The following FAHD1 variants were observed in gnomAD, a reference collection of about 807,000 sequenced individuals.
FAHD1 encodes the protein oxaloacetate tautomerase FAHD1, mitochondrial.
Under a neutral mutation model 12.7 loss-of-function variants are expected in FAHD1, and 14 were observed. The ratio of observed to expected loss-of-function variants is 1.10; its 90% CI spans 0.73 to 1.72. The LOEUF is 1.72. Ranked by LOEUF, FAHD1 falls within the 40% of genes most tolerant of loss-of-function variation. FAHD1 has a pLI of 0.00. For synonymous variants in FAHD1, 153 were observed against 124.9 expected (o/e 1.22, Z -1.50); for missense variants, 351 against 298.9 (o/e 1.17, Z -1.29).
At chr16:1,830,843 C>T (rs1898606221), downstream of FAHD1, among the ~76,000 whole-genome samples, 1 of 151,872 alleles carries the variant, frequency 6.6e-6, no homozygotes, top group African/African-American at 2.4e-5. Flanking sequence ...TATGTTTGTC[C>T]TCTGGTCCTA....
chr16:1,827,585 G>A lies in FAHD1; in HGVS notation c.347G>A (p.Trp116Ter), dbSNP rs138540253. ...GAGTGCAAGAAGAAGGGGCTGCCCT[G>A]GACTCTGGCGAAGAGCTTCACGGCG... Residue 116 changes from tryptophan to a stop codon, truncating the protein, a stop_gained, in exon 1 of 1, where the codon TGG becomes TAG. Transcript: ENST00000427358. LOFTEE classifies it high-confidence loss of function. 68 of 1,613,610 alleles carry A rather than the reference G, an allele frequency of 4.2e-5. No homozygotes were observed. Among genetic ancestry groups the A allele is most frequent in the Middle Eastern group, 3.3e-4 (2 of 6,084 alleles).
chr16:1,838,690 T>C (rs892184509), intron 2 of FAHD1, among the ~76,000 whole-genome samples: 1 of 152,062 alleles, frequency 6.6e-6, no homozygotes, highest in Non-Finnish European at 1.5e-5. Flanking sequence ...CTTAGTGTTT[T>C]GTTTTTTTTT....
At chr16:1,838,978 C>T (rs1199271971) in intron 2 of FAHD1, among the ~76,000 whole-genome samples, 3 of 152,194 alleles carry the variant, frequency 2.0e-5, no homozygotes, top group Non-Finnish European at 2.9e-5. Context: ...AGGCGTGAGC[C>T]ACGGTGCCCA....
exon 1 of FAHD1, chr16:1,827,914 T>A: frequency 6.2e-7 from 1 of 1,607,832 alleles, no homozygotes; most frequent in East Asian, 2.2e-5. Context: ...AGTTATTTCT[T>A]AACAAGTTTC....
chr16:1,837,908 G>A, intron 1 of FAHD1: 1 of 1,457,400 alleles, frequency 6.9e-7, no homozygotes, highest in Non-Finnish European at 9.1e-7. Flanking sequence ...TATATTTGAA[G>A]TTTACAAAGA....
exon 1 of FAHD1, chr16:1,828,727 T>A (rs1439568766): frequency 1.0e-6 from 1 of 960,934 alleles, no homozygotes; most frequent in East Asian, 1.2e-4. Flanking sequence ...TCCAAGTGAT[T>A]CTTATCAGGA....
At chr16:1,836,876 C>T (rs1418002716) in intron 1 of FAHD1, among the ~76,000 whole-genome samples, 1 of 152,152 alleles carries the variant, frequency 6.6e-6, no homozygotes, top group Non-Finnish European at 1.5e-5. Context: ...CAGTATTAAG[C>T]TGCAGTACAG....
Position 1,837,823 on chromosome 16 carries a change from C to CT in FAHD1, c.628-190dup, listed in dbSNP as rs978878313. 1.9e-6 allele frequency: 3 copies of CT among 1,540,910 alleles called. No homozygotes were observed. The African/African-American group carries it at 4.1e-5, about 21-fold the overall frequency. ...TGCTTCTTTCCAAGAGAAATTGCCA[C>CT]TTTAATGCTGTTTTCTGTTCATCTG... is the stretch of plus-strand genomic sequence containing the variant. On this transcript the variant is annotated intron_variant, in intron 1 of 2. Coordinates refer to the FAHD1 transcript ENST00000382666.
downstream of FAHD1, among the ~76,000 whole-genome samples, chr16:1,831,035 A>G (rs1898613543): frequency 6.6e-6 from 1 of 152,134 alleles, no homozygotes; most frequent in South Asian, 2.1e-4. Flanking sequence ...ATTCTCCTAC[A>G]TGGAAATGAG....
chr16:1,827,438 A>C, exon 1 of FAHD1: 1 of 1,610,356 alleles, frequency 6.2e-7, no homozygotes, highest in Non-Finnish European at 8.5e-7. Context: ...AACCTGCACC[A>C]CGAGCTGGAG....
downstream of FAHD1, among the ~76,000 whole-genome samples, chr16:1,832,585 A>G (rs1898643359): frequency 6.6e-6 from 1 of 152,026 alleles, no homozygotes; most frequent in Non-Finnish European, 1.5e-5. Context: ...CAGGAATTCA[A>G]GACCAGCCTG....
At chr16:1,833,504 G>C (rs1205493518), downstream of FAHD1, among the ~76,000 whole-genome samples, 1 of 149,432 alleles carries the variant, frequency 6.7e-6, no homozygotes, top group Admixed American at 6.7e-5. Flanking sequence ...TGTCAGATCT[G>C]TCAGATGACG....
At chr16:1,833,963 AG>A (rs1898671941) in intron 1 of FAHD1, 1 of 237,720 alleles carries the variant, frequency 4.2e-6, no homozygotes, top group South Asian at 1.0e-4. Context: ...TACATGGAAA[AG>A]AAAATAAATC....
At chr16:1,827,562 G>C (rs770055326) in exon 1 of FAHD1, 25 of 1,613,350 alleles carry the variant, frequency 1.5e-5, no homozygotes, top group Non-Finnish European at 2.1e-5. Flanking sequence ...TGCAGGACGA[G>C]TGCAAGAAGA....
chr16:1,831,157 T>TA (rs1408950118), downstream of FAHD1, among the ~76,000 whole-genome samples: 20 of 152,282 alleles, frequency 1.3e-4, no homozygotes, highest in Non-Finnish European at 2.6e-4. Flanking sequence ...TGGCCTTTTA[T>TA]AAAAAAATGA....
At chr16:1,830,944 A>ACACACACACACACACCCCACCCACC (rs57025691), downstream of FAHD1, among the ~76,000 whole-genome samples, 8,090 of 146,938 alleles carry the variant, frequency 0.055, 310 homozygotes, top group Admixed American at 0.091. Context: ...ACACACACAC[A>ACACACACACACACACCCCACCCACC]CCCATATTTT....
intron 1 of FAHD1, among the ~76,000 whole-genome samples, chr16:1,834,937 C>T (rs562691778): frequency 8.6e-6 from 1 of 116,878 alleles, no homozygotes; most frequent in Non-Finnish European, 1.8e-5. Flanking sequence ...CTCTGTCCCC[C>T]CCACCCCCCC....
exon 1 of FAHD1, chr16:1,828,095 CAG>C: frequency 8.8e-7 from 1 of 1,141,618 alleles, no homozygotes; most frequent in Non-Finnish European, 1.2e-6. Flanking sequence ...TCTTGGCTAA[CAG>C]GGTGAAACCC....
At chr16:1,827,595 G>T in exon 1 of FAHD1, 1 of 1,613,786 alleles carries the variant, frequency 6.2e-7, no homozygotes, top group Non-Finnish European at 8.5e-7. Flanking sequence ...GGACTCTGGC[G>T]AAGAGCTTCA....
Sources: allele counts gnomAD v4.1 joint callset (sites outside exome capture counted in the v4.1 genomes callset), GRCh38; gene constraint gnomAD v4.1.1; transcripts MANE v1.5; gene names NCBI Gene and HGNC (gene_info 2026-07-23, HGNC 2026-07-21).